The following TRERF1 variants were observed in gnomAD, a reference collection of about 807,000 sequenced individuals.
The protein encoded by TRERF1 is transcriptional-regulating factor 1.
A neutral mutation model predicts 122.9 loss-of-function variants in TRERF1; 27 were observed. The ratio of observed to expected loss-of-function variants is 0.22; its 90% confidence interval spans 0.16 to 0.30. The LOEUF is 0.30. TRERF1 is among the 10% of genes least tolerant of loss of function. TRERF1 has a pLI of 1.00. For synonymous variants in TRERF1, 636 were observed against 641.7 expected, an observed-to-expected ratio of 0.99 and a Z score of 0.13; for missense variants, 1,248 against 1,560.3, an observed-to-expected ratio of 0.80 and a Z score of 3.37.
At chr6:42,283,215 G>A (rs143951404) in intron 4 of TRERF1, among the ~76,000 whole-genome samples, 166 of 152,316 alleles carry the variant, frequency 1.1e-3, no homozygotes, top group South Asian at 2.7e-3. Flanking sequence ...TAAGAAGGTG[G>A]AGTTGCCTTG....
chr6:42,336,591 G>A (rs536730123), intron 3 of TRERF1, among the ~76,000 whole-genome samples: 2 of 152,092 alleles, frequency 1.3e-5, no homozygotes, highest in East Asian at 3.9e-4. Flanking sequence ...CCCAAGAGAG[G>A]GATCATCCCT....
intron 2 of TRERF1, among the ~76,000 whole-genome samples, chr6:42,371,170 G>A (rs1321851458): frequency 6.6e-6 from 1 of 152,198 alleles, no homozygotes; most frequent in Non-Finnish European, 1.5e-5. Context: ...CAAAGGCCTG[G>A]AGGTCAGAGG....
At chr6:42,376,452 G>A (rs1327002084) in intron 2 of TRERF1, among the ~76,000 whole-genome samples, 3 of 152,046 alleles carry the variant, frequency 2.0e-5, no homozygotes, top group African/African-American at 7.2e-5. Flanking sequence ...GAAGGCAGAA[G>A]GCTGCTCCTG....
chr6:42,254,653 A>G (rs923066417), intron 13 of TRERF1, among the ~76,000 whole-genome samples, 198 bp downstream of exon 13: 2 of 152,178 alleles, frequency 1.3e-5, no homozygotes, highest in African/African-American at 4.8e-5. Flanking sequence ...CACACCCACA[A>G]GGGGCAGGAG....
At chr6:42,418,570 C>T (rs1356777861) in intron 2 of TRERF1, among the ~76,000 whole-genome samples, 2 of 151,988 alleles carry the variant, frequency 1.3e-5, no homozygotes, top group Non-Finnish European at 2.9e-5. Context: ...CGTGCCTGGC[C>T]CTGCGTTTAT....
Position 42,258,116 on chromosome 6 carries a change from G to T in TRERF1, c.2336+19C>A. 1.2e-6 allele frequency: 2 copies of T among 1,609,600 alleles called. No individual in the cohort carries two copies. The highest frequency in any genetic ancestry group is 1.1e-5 in the South Asian group (1 of 90,968). ...GAAGCTGAGGCTTCTGTTCTAAAGA[G>T]TAATTGACTTTTCCTTACGGTTCAA... On this transcript the variant is annotated intron_variant, in intron 10 of 17. Coordinates refer to ENST00000372922, the Ensembl canonical transcript of TRERF1.
intron 2 of TRERF1, among the ~76,000 whole-genome samples, chr6:42,416,957 A>G (rs1781917636): frequency 6.6e-6 from 1 of 152,172 alleles, no homozygotes; most frequent in Admixed American, 6.5e-5. Context: ...AAACATAGAA[A>G]AAGATCCTAC....
intron 2 of TRERF1, among the ~76,000 whole-genome samples, chr6:42,436,812 AAAATATATAT>A (rs1371222693): frequency 1.3e-4 from 13 of 97,956 alleles, no homozygotes; most frequent in East Asian, 3.4e-4. Flanking sequence ...AAAAAAAAAA[AAAATATATAT>A]ATATATATAT....
intron 2 of TRERF1, among the ~76,000 whole-genome samples, chr6:42,375,905 GC>G (rs1774756991): frequency 6.6e-6 from 1 of 152,112 alleles, no homozygotes; most frequent in Non-Finnish European, 1.5e-5. Context: ...CTCAAATGGG[GC>G]CCCCTTGATT....
chr6:42,418,218 C>CTTTTTT (rs34388801), intron 2 of TRERF1, among the ~76,000 whole-genome samples: 1,177 of 34,652 alleles, frequency 0.034, 133 homozygotes, highest in East Asian at 0.059. Context: ...TTTTTCTTTC[C>CTTTTTT]TTTTTTTTTT....
intron 12 of TRERF1, 86 bp from the exon 13 acceptor site, chr6:42,255,012 G>T (rs1776479328): frequency 7.1e-7 from 1 of 1,408,184 alleles, no homozygotes. Context: ...GGGAAAAGCG[G>T]TTAGCACTGT....
chr6:42,329,142 A>C (rs1219000628), intron 3 of TRERF1, among the ~76,000 whole-genome samples: 1 of 151,264 alleles, frequency 6.6e-6, no homozygotes, highest in Non-Finnish European at 1.5e-5. Context: ...GAATCAGGTC[A>C]GGTGGTCCAA....
At chr6:42,374,029 A>G in intron 2 of TRERF1, among the ~76,000 whole-genome samples, 1 of 147,536 alleles carries the variant, frequency 6.8e-6, no homozygotes, top group African/African-American at 2.5e-5. Flanking sequence ...GCTACTCAGG[A>G]GGCTGAGGCA....
chr6:42,261,954 C>T (rs536428132), intron 8 of TRERF1, among the ~76,000 whole-genome samples: 16 of 151,998 alleles, frequency 1.1e-4, no homozygotes, highest in Non-Finnish European at 2.1e-4. Flanking sequence ...TCTTGTCTGC[C>T]CCTGTCTTTC....
intron 2 of TRERF1, among the ~76,000 whole-genome samples, chr6:42,387,114 T>TA (rs1267109970): frequency 6.6e-6 from 1 of 152,218 alleles, no homozygotes; most frequent in Non-Finnish European, 1.5e-5. Flanking sequence ...TTGGGGGATT[T>TA]AAAAAAATTT....
At chr6:42,301,043 A>C (rs1444212695) in intron 3 of TRERF1, among the ~76,000 whole-genome samples, 1 of 152,188 alleles carries the variant, frequency 6.6e-6, no homozygotes, top group East Asian at 1.9e-4. Context: ...ACAGACACAG[A>C]GAGATATAGA....
Position 42,278,475 on chromosome 6 carries a change from T to C in TRERF1, c.-258-8627A>G, listed in dbSNP as rs193272718. On this transcript the variant is annotated intron_variant, in intron 4 of 17. Transcript: ENST00000372922. ...ATGGTTCCAAGGAGAAAGTAGCAGA[T>C]GCAAATACAGAGATCCTGTGGGAAA... Among the ~76,000 whole-genome samples, 10 of 152,316 alleles carry C rather than the reference T, an allele frequency of 6.6e-5. No individual in the cohort carries two copies. The East Asian group carries it at 1.9e-3, about 29-fold the overall frequency.
intron 2 of TRERF1, among the ~76,000 whole-genome samples, chr6:42,387,906 C>T (rs943706327): frequency 3.3e-5 from 5 of 152,108 alleles, no homozygotes; most frequent in Non-Finnish European, 5.9e-5. Flanking sequence ...CTCCCAGTCC[C>T]AAGCCATCCT....
Position 42,275,161 on chromosome 6 carries a change from T to C in TRERF1, c.-258-5313A>G, listed in dbSNP as rs200200772. On this transcript the variant is annotated intron_variant, in intron 4 of 17. Coordinates refer to ENST00000372922, the Ensembl canonical transcript of TRERF1. This position sits in a 1 kb window ranked among gnomAD's most constrained non-coding sequence, Gnocchi z 4.1. ...TTTAAAACCTGAAAACTGTTCTTCTTAGTGGATTAGTCAATCTCACAGAAT... is the reference window on the plus strand; with the variant it reads ...TTTAAAACCTGAAAACTGTTCTTCTCAGTGGATTAGTCAATCTCACAGAAT... 1.3e-5 allele frequency among the ~76,000 whole-genome samples: 2 copies of C among 152,376 alleles called. No individual in the cohort carries two copies. The highest frequency in any genetic ancestry group is 3.9e-4 in the East Asian group (2 of 5,192).
Sources: allele counts gnomAD v4.1 joint callset (sites outside exome capture counted in the v4.1 genomes callset), GRCh38; gene constraint gnomAD v4.1.1; non-coding constraint Gnocchi (gnomAD v3.1); transcripts MANE v1.5; gene names NCBI Gene and HGNC (gene_info 2026-07-23, HGNC 2026-07-21).